VIPR1: variants seen among roughly 807,000 people sequenced by gnomAD.
VIPR1 encodes vasoactive intestinal polypeptide receptor 1.
Under a neutral mutation model 58.8 loss-of-function variants are expected in VIPR1, and 59 were observed. That is an observed-to-expected ratio of 1.00 (90% CI 0.81 to 1.25). VIPR1 has a LOEUF of 1.25. Ranked by LOEUF, VIPR1 falls within the 50% of genes most tolerant of loss-of-function variation. VIPR1 has a pLI of 0.00. For missense variants in VIPR1, 626 were observed against 602.7 expected (o/e 1.04, Z -0.40); for synonymous variants, 251 against 242.1 (o/e 1.04, Z -0.34).
At chr3:42,521,314 C>T (rs533357330) in intron 3 of VIPR1, 5 of 152,292 alleles carry the variant, frequency 3.3e-5, no homozygotes, top group South Asian at 2.1e-4. Context: ...ATATGCCTAC[C>T]GGCCAGGTGC....
chr3:42,500,260 C>T (rs1699841292), upstream of VIPR1: 1 of 152,214 alleles, frequency 6.6e-6, no homozygotes, highest in Non-Finnish European at 1.5e-5. Context: ...GTGTGGGCCC[C>T]CCTCCAGAGC....
At chr3:42,504,664 A>G (rs1433821161) in intron 1 of VIPR1, among the ~76,000 whole-genome samples, 1 of 142,734 alleles carries the variant, frequency 7.0e-6, no homozygotes, top group East Asian at 2.1e-4. Context: ...AGGGGTCCCT[A>G]TTTCCCTCCC....
At chr3:42,518,852 A>G (rs1214451759) in intron 2 of VIPR1, among the ~76,000 whole-genome samples, 2 of 152,248 alleles carry the variant, frequency 1.3e-5, no homozygotes, top group East Asian at 1.9e-4. Context: ...GAAGCCATGC[A>G]GAATGTGAGA....
At chr3:42,494,394 A>T (rs1021207497) in intron 1 of VIPR1, among the ~76,000 whole-genome samples, 1 of 152,176 alleles carries the variant, frequency 6.6e-6, no homozygotes, top group African/African-American at 2.4e-5. Context: ...AAACAGTTTG[A>T]TTACATAGGA....
intron 1 of VIPR1, among the ~76,000 whole-genome samples, chr3:42,504,281 A>G (rs552141386): frequency 4.1e-4 from 62 of 152,258 alleles, no homozygotes; most frequent in African/African-American, 1.5e-3. Context: ...GCCCAGGGGC[A>G]GAGTGGATTC....
chr3:42,496,013 G>A (rs1344828480), intron 1 of VIPR1, among the ~76,000 whole-genome samples: 1 of 152,040 alleles, frequency 6.6e-6, no homozygotes, highest in Non-Finnish European at 1.5e-5. Flanking sequence ...GTTTCAAGCA[G>A]CCACATTTGT....
chr3:42,503,428 G>T (rs1258667279), intron 1 of VIPR1, among the ~76,000 whole-genome samples: 1 of 152,154 alleles, frequency 6.6e-6, no homozygotes, highest in African/African-American at 2.4e-5. Context: ...TTAACAGGAG[G>T]GGCCAGGCCT....
chr3:42,497,271 T>C (rs1699781322), intron 1 of VIPR1, among the ~76,000 whole-genome samples: 1 of 152,158 alleles, frequency 6.6e-6, no homozygotes, highest in South Asian at 2.1e-4. Context: ...GGGCACCCTC[T>C]GAAACTCAGC....
intron 1 of VIPR1, among the ~76,000 whole-genome samples, chr3:42,495,181 G>A (rs1272909741): frequency 2.6e-5 from 4 of 152,072 alleles, no homozygotes; most frequent in Admixed American, 6.6e-5. Flanking sequence ...GAGTGCAGTG[G>A]CATGATCTCG....
intron 1 of VIPR1, chr3:42,506,776 C>G (rs1052223147): frequency 3.9e-5 from 6 of 152,170 alleles, no homozygotes; most frequent in Non-Finnish European, 8.8e-5. Context: ...GATCCACCTG[C>G]CTCAGCCTCC....
chr3:42,490,053 T>C (rs1699639058), intron 1 of VIPR1, among the ~76,000 whole-genome samples: 1 of 151,798 alleles, frequency 6.6e-6, no homozygotes, highest in African/African-American at 2.4e-5. Flanking sequence ...CAGTCTCCAC[T>C]CACACCCTAC....
At chr3:42,523,240 GA>G (rs1553638560) in intron 3 of VIPR1, among the ~76,000 whole-genome samples, 5 of 152,126 alleles carry the variant, frequency 3.3e-5, no homozygotes, top group Non-Finnish European at 4.4e-5. Context: ...ATCCCATGGT[GA>G]CTGCCATTTT....
At chr3:42,523,266 C>A (rs2125661657) in intron 3 of VIPR1, among the ~76,000 whole-genome samples, 1 of 152,268 alleles carries the variant, frequency 6.6e-6, no homozygotes, top group Non-Finnish European at 1.5e-5. Context: ...TCCTTGAGAG[C>A]AGCTTGCTAT....
At position 42,528,449 on chromosome 3, in the gene VIPR1, T is replaced by C. The variant is rs1057441579; in HGVS notation, c.636+326T>C. ...CCTGTTGCTAACTTCCTATGTGGCC[T>C]TGGGGAACTTACAGCCTCAGTTTCC... On this transcript the variant is annotated intron_variant, in intron 6 of 12. Coordinates refer to ENST00000325123, the MANE Select transcript of VIPR1 (RefSeq NM_004624.4). The C allele has an allele frequency of 1.3e-5, 4 of 301,690 alleles. No homozygotes were observed. In the Admixed American group the frequency reaches 1.8e-4, roughly 13 times the overall value. The allele number at this position is 301,690 out of a possible 1,614,324, so 18.7% of individuals were successfully genotyped here.
intron 3 of VIPR1, among the ~76,000 whole-genome samples, chr3:42,520,855 T>C (rs811198): frequency 0.27 from 40,617 of 151,762 alleles, 8,001 homozygotes; most frequent in African/African-American, 0.55. Context: ...TAGTGAAAGA[T>C]AGAACTTGAA....
At chr3:42,492,269 TC>T (rs888645023) in intron 1 of VIPR1, 3 of 152,318 alleles carry the variant, frequency 2.0e-5, no homozygotes, top group Non-Finnish European at 1.5e-5. Context: ...GCAAACATCT[TC>T]CTGGCCTCCT....
At chr3:42,503,002 G>A (rs1291087037) in intron 1 of VIPR1, among the ~76,000 whole-genome samples, 189 bp downstream of exon 1, 1 of 152,212 alleles carries the variant, frequency 6.6e-6, no homozygotes, top group Non-Finnish European at 1.5e-5. Flanking sequence ...CTGGGATATT[G>A]GTCGTGCCCA....
chr3:42,502,759 C>A lies in VIPR1; in HGVS notation c.24C>A (p.Pro8=). 5 of 1,305,294 alleles carry A rather than the reference C, an allele frequency of 3.8e-6. No individual in the cohort carries two copies. Among genetic ancestry groups the A allele is most frequent in the Non-Finnish European group, 4.9e-6 (5 of 1,030,046 alleles). 80.9% of individuals were successfully genotyped at this position (1,305,294 alleles called of 1,614,324 possible). ...CCATGCGCCCGCCAAGTCCGCTGCC[C>A]GCCCGCTGGCTATGCGTGCTGGCAG... The part of the protein sequence containing the change: MRPPSPL[P]ARWLCVLAGA... Residue 8 remains proline (P), a synonymous_variant, in exon 1 of 13, where the codon CCC becomes CCA. Coordinates refer to ENST00000325123, the MANE Select transcript of VIPR1 (RefSeq NM_004624.4).
Position 42,528,090 on chromosome 3 carries a change from C to G in VIPR1, c.603C>G (p.Asp201Glu). 3.1e-6 allele frequency: 5 copies of G among 1,614,032 alleles called. No individual in the cohort carries two copies. The highest frequency in any genetic ancestry group is 1.3e-5 in the African/African-American group (1 of 75,054). ...TCATCAAAGACTTGGCCCTCTTCGA[C>G]AGCGGGGAGTCGGACCAGTGCTCCG... is the stretch of plus-strand genomic sequence containing the variant. ...AVFIKDLALF[D>E]SGESDQCSEG... The change falls in exon 6 of 13, where the codon GAC (aspartate) becomes GAG (glutamate). Residue 201 changes from aspartate (D) to glutamate (E), a missense_variant. Coordinates refer to ENST00000325123, the MANE Select transcript of VIPR1 (RefSeq NM_004624.4).
Sources: gnomAD v4.1 joint callset for allele counts (sites outside exome capture counted in the v4.1 genomes callset) on GRCh38, gnomAD v4.1.1 for gene constraint, MANE v1.5 for transcripts, NCBI Gene and HGNC (gene_info 2026-07-23, HGNC 2026-07-21) for gene names.